DNAH14: variants seen among roughly 807,000 people sequenced by gnomAD.
The protein encoded by DNAH14 is axonemal beta dynein heavy chain 14.
A neutral mutation model predicts 520.9 loss-of-function variants in DNAH14; 478 were observed. The observed-to-expected ratio is 0.92, with a 90% CI of 0.85 to 0.99. DNAH14 has a LOEUF of 0.99. Among genes scored for constraint, DNAH14 ranks in the 50% least tolerant of loss-of-function variants. The pLI is 0.00. For missense variants in DNAH14, 4,831 were observed against 5,234.5 expected (o/e 0.92, Z 2.38); for synonymous variants, 1,581 against 1,757.2 (o/e 0.90, Z 2.51).
chr1:225,265,078 A>C, intron 47 of DNAH14, 104 bp from the exon 48 acceptor site: 1 of 810,804 alleles, frequency 1.2e-6, no homozygotes, highest in Non-Finnish European at 1.8e-6. Flanking sequence ...ACAACAAAAT[A>C]GTAAAATTAT....
At chr1:225,082,171 G>GGTGTGTGTGTGT (rs56658194) in intron 19 of DNAH14, among the ~76,000 whole-genome samples, 11,560 of 145,166 alleles carry the variant, frequency 0.08, 539 homozygotes, top group South Asian at 0.11. Flanking sequence ...GAATGTTTGT[G>GGTGTGTGTGTGT]GTGTGTGTGT....
At chr1:225,134,250 T>C (rs2078751167) in intron 27 of DNAH14, among the ~76,000 whole-genome samples, 1 of 152,194 alleles carries the variant, frequency 6.6e-6, no homozygotes, top group Admixed American at 6.5e-5. Context: ...TGGCTGGAAC[T>C]TCGAATACTA....
In DNAH14 at chr1:225,388,457, T is replaced by C; in HGVS notation, c.13156T>C (p.Trp4386Arg). 6.5e-7 allele frequency: 1 copy of C among 1,534,506 alleles called. No homozygotes were observed. The highest frequency in any genetic ancestry group is 1.2e-5 in the South Asian group (1 of 83,116). ...LIQRLNFFNT[W>R]AKVAYTAIQR... ...CCAGCGACTGAATTTCTTCAATACT[T>C]GGGCCAAAGTGGCTTATACTGCAAT... Residue 4386 changes from tryptophan (W) to arginine (R), a missense_variant, in exon 82 of 86, where the codon TGG (tryptophan) becomes CGG (arginine). Transcript: ENST00000682510.
chr1:225,193,032 C>T (rs1201144968), intron 38 of DNAH14, 121 bp downstream of exon 38: 11 of 761,722 alleles, frequency 1.4e-5, no homozygotes, highest in Non-Finnish European at 1.9e-5. Flanking sequence ...ATTTTAAAAT[C>T]TTATGAATAG....
Position 225,068,951 on chromosome 1 carries a change from G to A in DNAH14, c.2425-10256G>A, listed in dbSNP as rs1285339298. Among the ~76,000 whole-genome samples, 4 of 17,512 alleles carry A rather than the reference G, an allele frequency of 2.3e-4. 2 individuals are homozygous for A. Among genetic ancestry groups the A allele is most frequent in the African/African-American group, 7.4e-4 (4 of 5,394 alleles). 11.5% of individuals were successfully genotyped at this position (17,512 alleles called of 152,430 possible). On this transcript the variant is annotated intron_variant, in intron 17 of 85. Coordinates refer to ENST00000682510, the MANE Select transcript of DNAH14 (RefSeq NM_001367479.1). Reference sequence around the variant, plus strand: ...CAAAAAATTAGCCGGGTGTAGTGGCGGGCGCCTGTAGTCCCAGCTACTTGG... The same window carrying A: ...CAAAAAATTAGCCGGGTGTAGTGGCAGGCGCCTGTAGTCCCAGCTACTTGG...
intron 75 of DNAH14, among the ~76,000 whole-genome samples, chr1:225,361,857 ACAAT>A (rs34468361): frequency 3.2e-4 from 48 of 151,536 alleles, no homozygotes; most frequent in African/African-American, 9.9e-4. Flanking sequence ...CATCTCTACA[ACAAT>A]CAATCAATCA....
At chr1:224,993,626 A>C (rs955025875) in intron 8 of DNAH14, among the ~76,000 whole-genome samples, 1 of 151,740 alleles carries the variant, frequency 6.6e-6, no homozygotes. Flanking sequence ...TTTAAAAAAA[A>C]CCTAACTCTT....
In DNAH14 at chr1:225,192,747, G is replaced by T. The variant is rs1210566570; in HGVS notation, c.5722G>T (p.Val1908Phe). The change falls in exon 38 of 86, where the codon GTC becomes TTC. Residue 1908 changes from valine (V) to phenylalanine (F), a missense_variant. Physicochemically the swap from Val to Phe is conservative, Grantham distance 50. Transcript: ENST00000682510. ...TATTTGTGTTTTAAATCCAAAGTGT[G>T]TCACTCTCAGTGAACTATATGGACA... ...VDICVLNPKC[V>F]TLSELYGQLD... The T allele has an allele frequency of 9.7e-6, 15 of 1,549,884 alleles. No individual in the cohort carries two copies. The highest frequency in any genetic ancestry group is 1.3e-5 in the Non-Finnish European group (15 of 1,145,976).
rs888262673 is a variant in DNAH14 at position 225,241,154 on chromosome 1, A to G, written c.6748+332A>G. On this transcript the variant is annotated intron_variant, in intron 43 of 85. Transcript: ENST00000682510. The stretch of plus-strand genomic sequence containing the variant: ...TAGCAAGAAGTTCTGTAGGATCATA[A>G]TATTATAGTCTTATATTTCTTTTTT... Among the ~76,000 whole-genome samples the G allele has an allele frequency of 2.0e-5, 3 of 151,968 alleles. No individual in the cohort carries two copies. In the South Asian group the frequency reaches 6.3e-4, roughly 32 times the overall value.
chr1:225,114,256 C>T (rs146853609), intron 23 of DNAH14, among the ~76,000 whole-genome samples: 1 of 152,080 alleles, frequency 6.6e-6, no homozygotes, highest in Non-Finnish European at 1.5e-5. Flanking sequence ...TCCCTTCTGA[C>T]CCAGAGTGTG....
chr1:225,038,036 C>G (rs1194935337), intron 11 of DNAH14, among the ~76,000 whole-genome samples: 1 of 152,112 alleles, frequency 6.6e-6, no homozygotes, highest in Non-Finnish European at 1.5e-5. Flanking sequence ...GAGTTTTGTG[C>G]CTTCAGATGA....
At position 225,152,030 on chromosome 1, in the gene DNAH14, C is replaced by T. The variant is rs115743416; in HGVS notation, c.4966C>T (p.Arg1656Cys). The part of the protein sequence containing the change: ...ARFVLEGKEI[R>C]INMSCAVFIT... ...GTTTGTACTGGAAGGAAAAGAAATT[C>T]GTATCAATATGTCTTGTGCGGTATT... Residue 1656 changes from arginine (R) to cysteine (C), a missense_variant, in exon 32 of 86, where the codon CGT becomes TGT. Transcript: ENST00000682510. The T allele has an allele frequency of 9.0e-4, 1,400 of 1,551,528 alleles. 9 individuals carry two copies. In the African/African-American group the frequency reaches 0.017, roughly 18 times the overall value.
intron 41 of DNAH14, among the ~76,000 whole-genome samples, chr1:225,214,794 C>T (rs1161012099): frequency 6.6e-6 from 1 of 152,026 alleles, no homozygotes; most frequent in African/African-American, 2.4e-5. Flanking sequence ...TTATTCTTAT[C>T]TCTTTTATTC....
At position 225,276,995 on chromosome 1, in the gene DNAH14, A is replaced by AAGGG. The variant is rs1491575296; in HGVS notation, c.8179-412_8179-411insGAGG. ...GAAGGAAGGAAGGAAGGGAGGGAGG[A>AAGGG]AGGAAGGGAGGGAGGGAGGGAGGGA... On this transcript the variant is annotated intron_variant, in intron 53 of 85. Coordinates refer to ENST00000682510, the MANE Select transcript of DNAH14 (RefSeq NM_001367479.1). Among the ~76,000 whole-genome samples the AAGGG allele has an allele frequency of 6.7e-5, 4 of 59,558 alleles. 1 individual carries two copies. Among genetic ancestry groups the AAGGG allele is most frequent in the Admixed American group, 5.6e-4 (3 of 5,338 alleles). The allele number at this position is 59,558 out of a possible 152,430, so 39.1% of individuals were successfully genotyped here.
intron 7 of DNAH14, among the ~76,000 whole-genome samples, chr1:224,973,127 TTTGA>T (rs1431231126): frequency 1.3e-5 from 2 of 152,180 alleles, no homozygotes; most frequent in Non-Finnish European, 2.9e-5. Context: ...GTTACTAGAT[TTTGA>T]TTGAGGCAGT....
rs186858629 is a variant in DNAH14 at position 225,394,763 on chromosome 1, G to C, written c.13491+2312G>C. 2.5e-3 allele frequency among the ~76,000 whole-genome samples: 378 copies of C among 151,474 alleles called. 5 individuals are homozygous for C. Among genetic ancestry groups the C allele is most frequent in the Non-Finnish European group, 4.5e-3 (306 of 67,910 alleles). ...GGAGGCTGAGGCAGGAGTATTGCTT[G>C]AACTTGGGAGGCAGAGGTTGCAGTG... On this transcript the variant is annotated intron_variant, in intron 84 of 85. Transcript: ENST00000682510.
At chr1:224,957,754 G>A (rs1232469076) in intron 3 of DNAH14, among the ~76,000 whole-genome samples, 1 of 152,146 alleles carries the variant, frequency 6.6e-6, no homozygotes, top group Non-Finnish European at 1.5e-5. Context: ...AATATGGGAC[G>A]TGAGTGCTGT....
Position 225,380,327 on chromosome 1 carries a change from G to C in DNAH14, c.12880+5G>C. 6 of 1,549,778 alleles carry C rather than the reference G, an allele frequency of 3.9e-6. No individual in the cohort carries two copies. Among genetic ancestry groups the C allele is most frequent in the Non-Finnish European group, 5.2e-6 (6 of 1,146,000 alleles). ...CTCTTTCTAAAAATCTCAAAGGTGA[G>C]CATGGGACAGGAGCTTTTTCCCCTT... On this transcript the variant is annotated splice_donor_5th_base_variant and intron_variant, in intron 80 of 85. Transcript: ENST00000682510.
chr1:225,225,201 C>T (rs931144178), intron 41 of DNAH14, among the ~76,000 whole-genome samples: 14 of 152,174 alleles, frequency 9.2e-5, no homozygotes, highest in Non-Finnish European at 2.1e-4. Context: ...GACACGTTCC[C>T]TCCTTCAACA....
Sources: gnomAD v4.1 joint callset for allele counts (sites outside exome capture counted in the v4.1 genomes callset) on GRCh38, gnomAD v4.1.1 for gene constraint, MANE v1.5 for transcripts, NCBI Gene and HGNC (gene_info 2026-07-23, HGNC 2026-07-21) for gene names.